The following CPSF2 variants were observed in gnomAD, a reference collection of about 807,000 sequenced individuals.
CPSF2 encodes cleavage and polyadenylation specific factor 2.
Under a neutral mutation model 84.2 loss-of-function variants are expected in CPSF2, and 51 were observed. The ratio of observed to expected loss-of-function variants is 0.61; its 90% CI spans 0.48 to 0.77. The LOEUF is 0.77. Ranked by LOEUF, CPSF2 falls within the 30% of genes least tolerant of loss-of-function variation. The pLI is 0.00. For missense variants in CPSF2, 641 were observed against 929.4 expected (o/e 0.69, Z 4.03); for synonymous variants, 286 against 311.9 (o/e 0.92, Z 0.87).
chr14:92,122,153 C>T lies in CPSF2; in HGVS notation c.-94+25C>T, dbSNP rs180896870. 261 of 349,522 alleles carry T rather than the reference C, an allele frequency of 7.5e-4. 2 individuals are homozygous for T. The highest frequency in any genetic ancestry group is 5.3e-3 in the African/African-American group (250 of 46,964). 21.7% of individuals were successfully genotyped at this position (349,522 alleles called of 1,614,324 possible). A position where few individuals can be genotyped will look rare whatever the true frequency, so the allele number is the denominator to read the frequency against. On this transcript the variant is annotated intron_variant, in intron 1 of 15. Coordinates refer to ENST00000298875, the MANE Select transcript of CPSF2 (RefSeq NM_017437.3). ...GGCAAGTGAGGGCGGGAGAAAGGAGCGAGCCTCGGGCTGGGGAAGGCGGCG... is the reference window on the plus strand; with the variant it reads ...GGCAAGTGAGGGCGGGAGAAAGGAGTGAGCCTCGGGCTGGGGAAGGCGGCG...
rs138049678 is a variant in CPSF2 at position 92,130,806 on chromosome 14, A to G, written c.-34-145A>G. 5.8e-6 allele frequency: 3 copies of G among 514,884 alleles called. No individual in the cohort carries two copies. In the East Asian group the frequency reaches 1.1e-4, roughly 19 times the overall value. The allele number at this position is 514,884 out of a possible 1,614,324, so 31.9% of individuals were successfully genotyped here. On this transcript the variant is annotated intron_variant, in intron 2 of 15. Transcript: ENST00000298875. ...TTAAAAAAAAAAAGTAAACTTGGCA[A>G]TGATGGAAATGGGCCTTTAAACTGC...
chr14:92,138,087 G>T (rs1032299283), intron 6 of CPSF2, 145 bp from the exon 7 acceptor site: 2 of 431,146 alleles, frequency 4.6e-6, no homozygotes, highest in Non-Finnish European at 8.4e-6. Flanking sequence ...GAAGTTACTG[G>T]ATTTCTTATC....
At position 92,164,330 on chromosome 14, in the gene CPSF2, G is replaced by C. The variant is rs565031746; in HGVS notation, c.*2586G>C. 1 of 152,250 alleles carries C rather than the reference G, an allele frequency of 6.6e-6. No individual in the cohort carries two copies. The highest frequency in any genetic ancestry group is 2.4e-5 in the African/African-American group (1 of 41,548). The allele number at this position is 152,250 out of a possible 1,614,324, so 9.4% of individuals were successfully genotyped here. A position where few individuals can be genotyped will look rare whatever the true frequency, so the allele number is the denominator to read the frequency against. ...AATTTTAAAGTATTGCCTTAAGATG[G>C]CTGTGCTAAATAATAATCATTGCAA... On this transcript the variant is annotated 3_prime_UTR_variant, in exon 16 of 16. Transcript: ENST00000298875.
chr14:92,160,123 C>T (rs914593292), intron 14 of CPSF2, among the ~76,000 whole-genome samples: 2 of 152,072 alleles, frequency 1.3e-5, no homozygotes, highest in Admixed American at 6.5e-5. Context: ...CCACTGGGCC[C>T]GGCTAGTTTT....
In CPSF2 at chr14:92,157,545, A is replaced by G. The variant is rs1315574102; in HGVS notation, c.1596-114A>G. The G allele has an allele frequency of 4.5e-6, 3 of 670,558 alleles. No homozygotes were observed. In the East Asian group the frequency reaches 8.4e-5, roughly 19 times the overall value. 41.5% of individuals were successfully genotyped at this position (670,558 alleles called of 1,614,324 possible). A position where few individuals can be genotyped will look rare whatever the true frequency, so the allele number is the denominator to read the frequency against. On this transcript the variant is annotated intron_variant, in intron 12 of 15. Coordinates refer to ENST00000298875, the MANE Select transcript of CPSF2 (RefSeq NM_017437.3). This position sits in a 1 kb window ranked among gnomAD's most constrained non-coding sequence, Gnocchi z 4.0. The stretch of plus-strand genomic sequence containing the variant: ...CAAAAATAAAATAAATCATACAGAT[A>G]CTATAACATGTGTATTTCTCAAATC...
chr14:92,156,856 G>T (rs1020105981), intron 12 of CPSF2, among the ~76,000 whole-genome samples: 1 of 152,108 alleles, frequency 6.6e-6, no homozygotes, highest in Non-Finnish European at 1.5e-5. Flanking sequence ...GTGGTGGTGG[G>T]GGGTGCTTAA....
intron 14 of CPSF2, among the ~76,000 whole-genome samples, chr14:92,159,831 A>C (rs1014424114): frequency 3.3e-5 from 5 of 151,980 alleles, no homozygotes; most frequent in African/African-American, 9.7e-5. Flanking sequence ...CTTTTAAGGT[A>C]CATAATTGTT....
chr14:92,128,235 CA>C (rs60307952), intron 2 of CPSF2, among the ~76,000 whole-genome samples: 10 of 141,472 alleles, frequency 7.1e-5, no homozygotes, highest in African/African-American at 1.0e-4. Context: ...AACTCTGTCT[CA>C]AAAAAAAAAG....
chr14:92,148,279 A>G (rs2069168167), intron 9 of CPSF2, among the ~76,000 whole-genome samples: 1 of 152,228 alleles, frequency 6.6e-6, no homozygotes, highest in Non-Finnish European at 1.5e-5. Flanking sequence ...TTATATACAC[A>G]TAAACACAAT....
intron 7 of CPSF2, 109 bp from the exon 8 acceptor site, chr14:92,142,055 T>A: frequency 1.1e-6 from 1 of 876,158 alleles, no homozygotes; most frequent in South Asian, 2.6e-5. Context: ...AGTAGTTGCT[T>A]ATTTGTAAAT....
Position 92,169,029 on chromosome 14 carries a change from T to C in CPSF2, c.*7285T>C, listed in dbSNP as rs1039081669. On this transcript the variant is annotated 3_prime_UTR_variant, in exon 16 of 16. Coordinates refer to ENST00000298875, the MANE Select transcript of CPSF2 (RefSeq NM_017437.3). Reference sequence around the variant, plus strand: ...CTTCCTACCTCATTTTCTGAGGTTATGTTGACTTTAATATCCAATGTATCA... The same window carrying C: ...CTTCCTACCTCATTTTCTGAGGTTACGTTGACTTTAATATCCAATGTATCA... 10 of 152,238 alleles carry C rather than the reference T, an allele frequency of 6.6e-5. No individual in the cohort carries two copies. The highest frequency in any genetic ancestry group is 2.2e-4 in the African/African-American group (9 of 41,472). The allele number at this position is 152,238 out of a possible 1,614,324, so 9.4% of individuals were successfully genotyped here.
chr14:92,143,324 A>G (rs780347048), intron 9 of CPSF2, 30 bp downstream of exon 9: 3 of 1,422,560 alleles, frequency 2.1e-6, no homozygotes, highest in Non-Finnish European at 2.9e-6. Context: ...CTTTATCTTA[A>G]AACTGTTTGG....
Position 92,134,048 on chromosome 14 carries a change from C to T in CPSF2, c.187C>T (p.Pro63Ser). 6.2e-7 allele frequency: 1 copy of T among 1,614,152 alleles called. No homozygotes were observed. Among genetic ancestry groups the T allele is most frequent in the Non-Finnish European group, 8.5e-7 (1 of 1,180,028 alleles). Residue 63 changes from proline to serine, a missense_variant, in exon 4 of 16, where the codon CCT (proline) becomes TCT (serine). Around this residue, in one of 2 missense-constraint regions of CPSF2, gnomAD observed 211 missense variants for 375.7 expected, o/e 0.56. Transcript: ENST00000298875. ...GATTGATGCAGTGCTGTTGTCTCAC[C>T]CTGATCCTCTCCACCTTGGTGCCCT... ...HQIDAVLLSH[P>S]DPLHLGALPY...
At chr14:92,122,852 TC>T (rs1161426486) in intron 1 of CPSF2, among the ~76,000 whole-genome samples, 2 of 143,394 alleles carry the variant, frequency 1.4e-5, no homozygotes, top group African/African-American at 5.1e-5. Context: ...CTTTTTTCTT[TC>T]TTTTTTTTTT....
At chr14:92,135,694 A>G (rs2068989633) in intron 6 of CPSF2, among the ~76,000 whole-genome samples, 198 bp downstream of exon 6, 1 of 152,236 alleles carries the variant, frequency 6.6e-6, no homozygotes, top group South Asian at 2.1e-4. Flanking sequence ...AGAGATTTTA[A>G]AAATTTATAG....
chr14:92,170,901 CTTGTAT>C lies in CPSF2; in HGVS notation c.*9162_*9167del, dbSNP rs777366582. 6.6e-6 allele frequency: 1 copy of C among 152,132 alleles called. No homozygotes were observed. 9.4% of individuals were successfully genotyped at this position (152,132 alleles called of 1,614,324 possible). On this transcript the variant is annotated 3_prime_UTR_variant, in exon 16 of 16. Transcript: ENST00000298875. Reference sequence around the variant, plus strand: ...TTCTCCACTGTTAGTATTTTCTCCACTTGTATTTGTTTTTTGGTATAAACTTAAAAA... The same window carrying C: ...TTCTCCACTGTTAGTATTTTCTCCACTTGTTTTTTGGTATAAACTTAAAAA...
rs2069457430 is a variant in CPSF2 at position 92,167,020 on chromosome 14, T to TTTC, written c.*5278_*5279insCTT. On this transcript the variant is annotated 3_prime_UTR_variant, in exon 16 of 16. Coordinates refer to ENST00000298875, the MANE Select transcript of CPSF2 (RefSeq NM_017437.3). Reference sequence around the variant, plus strand: ...TTATCGATTTCTTTTTTTTCTTTTTTTTTTTTTTTGAGATAGCATCTTGCT... The same window carrying TTTC: ...TTATCGATTTCTTTTTTTTCTTTTTTTTCTTTTTTTTTGAGATAGCATCTTGCT... The TTTC allele has an allele frequency of 6.7e-6, 1 of 150,354 alleles. No individual in the cohort carries two copies. Among genetic ancestry groups the TTTC allele is most frequent in the African/African-American group, 2.4e-5 (1 of 40,866 alleles). 9.3% of individuals were successfully genotyped at this position (150,354 alleles called of 1,614,324 possible). A position where few individuals can be genotyped will look rare whatever the true frequency, so the allele number is the denominator to read the frequency against.
At position 92,135,419 on chromosome 14, in the gene CPSF2, T is replaced by A. The variant is rs776639072; in HGVS notation, c.468T>A (p.Gly156=). The change falls in exon 6 of 16, where the codon GGT becomes GGA. Residue 156 remains glycine, a synonymous_variant. Coordinates refer to ENST00000298875, the MANE Select transcript of CPSF2 (RefSeq NM_017437.3). The part of the protein sequence containing the change: ...ITPLPAGHMI[G]GTIWKIVKDG... ...CTCTGCCAGCTGGTCATATGATAGG[T>A]GGAACAATATGGAAAATAGTCAAAG... 5.0e-6 allele frequency: 8 copies of A among 1,613,654 alleles called. No individual in the cohort carries two copies. The highest frequency in any genetic ancestry group is 1.1e-5 in the South Asian group (1 of 91,056).
At chr14:92,125,634 C>G (rs7140188) in intron 1 of CPSF2, among the ~76,000 whole-genome samples, 29,284 of 151,804 alleles carry the variant, frequency 0.19, 3,041 homozygotes, top group East Asian at 0.29. Context: ...TTTCCAAGGC[C>G]TTTCACTATC....
Sources: allele counts gnomAD v4.1 joint callset (sites outside exome capture counted in the v4.1 genomes callset), GRCh38; gene constraint gnomAD v4.1.1; regional missense constraint gnomAD v4.1.1; non-coding constraint Gnocchi (gnomAD v3.1); transcripts MANE v1.5; gene names NCBI Gene and HGNC (gene_info 2026-07-23, HGNC 2026-07-21).